Variants in ANKS1B observed in about 807,000 individuals in gnomAD.
ANKS1B encodes the protein ankyrin repeat and sterile alpha motif domain containing 1B, also known as ankyrin repeat and sterile alpha motif domain-containing protein 1B.
In ANKS1B, 36 loss-of-function variants were observed where a neutral mutation model predicts 148.3. The observed-to-expected ratio is 0.24, with a 90% CI of 0.19 to 0.32. The LOEUF (loss-of-function observed/expected upper bound fraction) is 0.32. ANKS1B is among the 10% of genes least tolerant of loss of function. The pLI is 1.00. For missense variants in ANKS1B, 1,157 were observed against 1,542.6 expected (o/e 0.75, Z 4.19); for synonymous variants, 542 against 560.8 (o/e 0.97, Z 0.47).
At chr12:99,046,596 G>C (rs2099962513) in intron 17 of ANKS1B, among the ~76,000 whole-genome samples, 1 of 151,940 alleles carries the variant, frequency 6.6e-6, no homozygotes, top group Non-Finnish European at 1.5e-5. Flanking sequence ...TCAGGAGATG[G>C]AGACCATCCT....
At chr12:98,848,448 A>G (rs959204649) in intron 17 of ANKS1B, among the ~76,000 whole-genome samples, 2 of 152,188 alleles carry the variant, frequency 1.3e-5, no homozygotes, top group Admixed American at 1.3e-4. Context: ...TGAAAATGCT[A>G]TAGTGTTACT....
intron 19 of ANKS1B, among the ~76,000 whole-genome samples, chr12:98,820,123 T>C (rs945788676): frequency 1.3e-5 from 2 of 152,222 alleles, no homozygotes; most frequent in Non-Finnish European, 2.9e-5. Context: ...TTGGAGCATT[T>C]GGGGTTTTGG....
intron 17 of ANKS1B, among the ~76,000 whole-genome samples, chr12:99,009,865 A>C (rs2099938293): frequency 1.3e-5 from 2 of 151,878 alleles, no homozygotes; most frequent in African/African-American, 2.4e-5. Context: ...CAAACAAAAA[A>C]CCCAAAAACT....
At chr12:99,906,569 T>G (rs1197822108) in intron 1 of ANKS1B, among the ~76,000 whole-genome samples, 1 of 152,186 alleles carries the variant, frequency 6.6e-6, no homozygotes, top group Non-Finnish European at 1.5e-5. Flanking sequence ...GCCATATTCA[T>G]CTCATCTTCT....
chr12:99,779,881 T>C lies in ANKS1B; in HGVS notation c.837A>G (p.Thr279=). 6.2e-7 allele frequency: 1 copy of C among 1,610,762 alleles called. No homozygotes were observed. Among genetic ancestry groups the C allele is most frequent in the Non-Finnish European group, 8.5e-7 (1 of 1,177,418 alleles). ...TTCAATACTGTTTACCTTGTAAGAG[T>C]GTTGCAATCTGGAGAGATTTCTGAG... ...HPSQKSLQIA[T]LLQEYLEGVG... Residue 279 remains threonine, a synonymous_variant, in exon 6 of 27, where the codon ACA becomes ACG. Transcript: ENST00000683438.
At chr12:98,927,073 G>A (rs550814606) in intron 17 of ANKS1B, among the ~76,000 whole-genome samples, 100 of 152,184 alleles carry the variant, frequency 6.6e-4, no homozygotes, top group Non-Finnish European at 1.3e-3. Flanking sequence ...CTACATTACA[G>A]CCAAACTTTC....
intron 17 of ANKS1B, among the ~76,000 whole-genome samples, chr12:98,873,352 T>G (rs1311025334): frequency 6.6e-6 from 1 of 152,228 alleles, no homozygotes; most frequent in Non-Finnish European, 1.5e-5. Flanking sequence ...GTTAAGTGTT[T>G]GTTGAATGAA....
intron 14 of ANKS1B, among the ~76,000 whole-genome samples, chr12:99,209,423 A>G (rs993249534): frequency 1.3e-5 from 2 of 152,086 alleles, no homozygotes; most frequent in Non-Finnish European, 2.9e-5. Flanking sequence ...CTATTTTTTG[A>G]GTTTTTACTA....
chr12:99,231,086 G>C (rs1428289216), intron 14 of ANKS1B, among the ~76,000 whole-genome samples: 1 of 152,138 alleles, frequency 6.6e-6, no homozygotes, highest in East Asian at 1.9e-4. Flanking sequence ...TGGAGGCAAG[G>C]AAAATTTCTC....
intron 17 of ANKS1B, among the ~76,000 whole-genome samples, chr12:98,952,213 G>C (rs1054849287): frequency 1.3e-5 from 2 of 152,172 alleles, no homozygotes; most frequent in African/African-American, 4.8e-5. Context: ...ACTTGTAGTA[G>C]TGTAGTATTC....
In ANKS1B at chr12:98,936,369, C is replaced by T. The variant is rs537963503; in HGVS notation, c.2779-104233G>A. On this transcript the variant is annotated intron_variant, in intron 17 of 26. Transcript: ENST00000683438. ...TTTGGCTGGGCATGGTGGCTCATGC[C>T]TGTAATCCCAGCACTTTGGGAGGCT... 2.6e-5 allele frequency among the ~76,000 whole-genome samples: 4 copies of T among 152,316 alleles called. No homozygotes were observed. The South Asian group carries it at 8.3e-4, about 32-fold the overall frequency.
At chr12:99,297,494 C>T (rs1190055969) in intron 12 of ANKS1B, among the ~76,000 whole-genome samples, 1 of 152,120 alleles carries the variant, frequency 6.6e-6, no homozygotes, top group African/African-American at 2.4e-5. Flanking sequence ...GTGTTGAGCA[C>T]CAGCTACATG....
chr12:99,928,274 T>TTTATTTA (rs560375736), intron 1 of ANKS1B, among the ~76,000 whole-genome samples: 2 of 82,580 alleles, frequency 2.4e-5, no homozygotes, highest in African/African-American at 9.7e-5. Flanking sequence ...TTATTTTATT[T>TTTATTTA]TTTTTTTTTT....
chr12:99,683,924 A>C (rs576987736), intron 8 of ANKS1B, among the ~76,000 whole-genome samples: 57 of 152,262 alleles, frequency 3.7e-4, no homozygotes, highest in African/African-American at 1.3e-3. Flanking sequence ...TTATGGTTAA[A>C]ATCCTCAGTA....
rs2099769012 is a variant in ANKS1B, at chr12:98,899,372, A to T, written c.2779-67236T>A. ...ACCACACTACTTTTCACTAAGTACC[A>T]CACATTGGTAATATCATTTGGCCAG... On this transcript the variant is annotated intron_variant, in intron 17 of 26. Coordinates refer to ENST00000683438, the MANE Select transcript of ANKS1B (RefSeq NM_001352186.2). 1.3e-5 allele frequency among the ~76,000 whole-genome samples: 2 copies of T among 152,246 alleles called. 1 individual carries two copies. The highest frequency in any genetic ancestry group is 4.1e-4 in the South Asian group (2 of 4,830).
At chr12:99,545,072 G>T (rs1166289247) in intron 9 of ANKS1B, among the ~76,000 whole-genome samples, 1 of 152,078 alleles carries the variant, frequency 6.6e-6, no homozygotes, top group African/African-American at 2.4e-5. Flanking sequence ...TAGAGCTATT[G>T]ATATAATTCT....
At chr12:99,850,781 A>C (rs1320632718) in intron 1 of ANKS1B, among the ~76,000 whole-genome samples, 3 of 152,122 alleles carry the variant, frequency 2.0e-5, no homozygotes. Flanking sequence ...TTTGACAAAG[A>C]CATAAGGGAA....
At position 99,396,205 on chromosome 12, in the gene ANKS1B, G is replaced by A. The variant is rs925296174; in HGVS notation, c.1756+3426C>T. ...GTAGATATTATTTCCACTTTCAGAG[G>A]AGCAAATTAAATGTCAGAAAAGTTA... is the stretch of plus-strand genomic sequence containing the variant. On this transcript the variant is annotated intron_variant, in intron 12 of 26. Transcript: ENST00000683438. Among the ~76,000 whole-genome samples the A allele has an allele frequency of 3.9e-5, 6 of 152,096 alleles. No individual in the cohort carries two copies. In the East Asian group the frequency reaches 7.7e-4, roughly 20 times the overall value.
rs1447686062 is a variant in ANKS1B at position 99,122,869 on chromosome 12, C to A, written c.2526+31420G>T. Among the ~76,000 whole-genome samples, 3 of 152,070 alleles carry A rather than the reference C, an allele frequency of 2.0e-5. No individual in the cohort carries two copies. The East Asian group carries it at 5.8e-4, about 29-fold the overall frequency. ...AAAAGTATGCATTAGCAAGAAAATT[C>A]TATCCATGTGTCCTTTGCCAAGGCG... On this transcript the variant is annotated intron_variant, in intron 15 of 26. Coordinates refer to ENST00000683438, the MANE Select transcript of ANKS1B (RefSeq NM_001352186.2).
Sources: gnomAD v4.1 joint callset for allele counts (sites outside exome capture counted in the v4.1 genomes callset) on GRCh38, gnomAD v4.1.1 for gene constraint, MANE v1.5 for transcripts, NCBI Gene and HGNC (gene_info 2026-07-23, HGNC 2026-07-21) for gene names.